Variants in TRIO observed in about 807,000 individuals in gnomAD.
TRIO encodes triple functional domain protein.
A neutral mutation model predicts 351.9 loss-of-function variants in TRIO; 58 were observed. That is an observed-to-expected ratio of 0.16 (90% confidence interval 0.13 to 0.21). TRIO has a LOEUF of 0.21. TRIO is among the 10% of genes least tolerant of loss of function. The probability of loss-of-function intolerance (pLI) is 1.00; values close to 1 mark genes in which losing one functional copy is unlikely to be tolerated. For missense variants in TRIO, 3,201 were observed against 4,027.8 expected (o/e 0.79, Z 5.56); for synonymous variants, 1,758 against 1,595.7 (o/e 1.10, Z -2.42).
At chr5:14,266,144 C>T (rs1221551389) in intron 1 of TRIO, among the ~76,000 whole-genome samples, 1 of 151,992 alleles carries the variant, frequency 6.6e-6, no homozygotes, top group Non-Finnish European at 1.5e-5. Context: ...CTGCACCCTT[C>T]GCCTCCTGGG....
At position 14,434,986 on chromosome 5, in the gene TRIO, C is replaced by G. The variant is rs1012676537; in HGVS notation, c.5203+14965C>G. Reference sequence around the variant, plus strand: ...GCTCATGCATGTTGGGCAAGAACAGCACTGATGCTATTGTGCCCTTCTCCG... The same window carrying G: ...GCTCATGCATGTTGGGCAAGAACAGGACTGATGCTATTGTGCCCTTCTCCG... On this transcript the variant is annotated intron_variant, in intron 34 of 56. Transcript: ENST00000344204. Among the ~76,000 whole-genome samples the G allele has an allele frequency of 2.0e-5, 3 of 152,330 alleles. No homozygotes were observed. The East Asian group carries it at 5.8e-4, about 29-fold the overall frequency.
At chr5:14,274,503 T>C (rs1417941750) in intron 2 of TRIO, among the ~76,000 whole-genome samples, 1 of 152,282 alleles carries the variant, frequency 6.6e-6, no homozygotes, top group African/African-American at 2.4e-5. Flanking sequence ...GATTATTGCT[T>C]AGATCTAGTA....
chr5:14,333,072 T>C (rs1741055509), intron 10 of TRIO, among the ~76,000 whole-genome samples: 1 of 152,124 alleles, frequency 6.6e-6, no homozygotes, highest in Non-Finnish European at 1.5e-5. Flanking sequence ...TGGAAAATAA[T>C]GAGACTTGGC....
intron 34 of TRIO, among the ~76,000 whole-genome samples, chr5:14,434,269 G>A (rs1304715319): frequency 1.3e-5 from 2 of 152,000 alleles, no homozygotes; most frequent in African/African-American, 2.4e-5. Context: ...TCATTCTTTT[G>A]TCCCACAAAA....
At position 14,162,944 on chromosome 5, in the gene TRIO, G is replaced by GC. The variant is rs1554023816; in HGVS notation, c.157+19062_157+19063insC. 5.3e-5 allele frequency among the ~76,000 whole-genome samples: 8 copies of GC among 152,082 alleles called. 1 individual carries two copies. Among genetic ancestry groups the GC allele is most frequent in the African/African-American group, 1.9e-4 (8 of 41,494 alleles). On this transcript the variant is annotated intron_variant, in intron 1 of 56. Coordinates refer to ENST00000344204, the MANE Select transcript of TRIO (RefSeq NM_007118.4). ...GCCTCAGCCTCCTGAGTAGCTGGGA[G>GC]TACAGGTGTGTACCACCATGCCTGG...
At chr5:14,454,538 T>C (rs962153613) in intron 34 of TRIO, among the ~76,000 whole-genome samples, 2 of 152,250 alleles carry the variant, frequency 1.3e-5, no homozygotes, top group African/African-American at 4.8e-5. Flanking sequence ...GGTTGACTTA[T>C]CAGTCAGTAT....
chr5:14,277,277 A>G (rs1375800573), intron 2 of TRIO, among the ~76,000 whole-genome samples: 1 of 150,636 alleles, frequency 6.6e-6, no homozygotes, highest in Non-Finnish European at 1.5e-5. Context: ...ATAGGAGAGG[A>G]TGCAGGTTTA....
intron 11 of TRIO, among the ~76,000 whole-genome samples, chr5:14,338,128 C>A (rs560555481): frequency 6.6e-6 from 1 of 152,142 alleles, no homozygotes; most frequent in Non-Finnish European, 1.5e-5. Context: ...CATTGTGAAC[C>A]GAGCTTGTCT....
intron 34 of TRIO, among the ~76,000 whole-genome samples, chr5:14,460,335 G>A (rs987738439): frequency 1.3e-5 from 2 of 152,132 alleles, no homozygotes; most frequent in Non-Finnish European, 1.5e-5. Flanking sequence ...GCCGTGGCCT[G>A]GCCGTGAACA....
intron 1 of TRIO, among the ~76,000 whole-genome samples, chr5:14,184,543 T>C (rs567291714): frequency 9.3e-4 from 141 of 152,366 alleles, no homozygotes; most frequent in Non-Finnish European, 1.8e-3. Flanking sequence ...CTAGTGTAAT[T>C]CAGGACTTCA....
intron 55 of TRIO, among the ~76,000 whole-genome samples, chr5:14,506,352 T>C (rs899383736): frequency 2.0e-5 from 3 of 152,236 alleles, no homozygotes; most frequent in Admixed American, 2.0e-4. Flanking sequence ...GACAGGCAGC[T>C]GATCTTCCTA....
At position 14,406,650 on chromosome 5, in the gene TRIO, A is replaced by G. The variant is rs1748745211; in HGVS notation, c.4937A>G (p.Gln1646Arg). 6.2e-7 allele frequency: 1 copy of G among 1,613,898 alleles called. No homozygotes were observed. Among genetic ancestry groups the G allele is most frequent in the African/African-American group, 1.3e-5 (1 of 74,948 alleles). ...DTISIASRTSQNTLDSDKLSG... is the reference protein window; with the variant it reads ...DTISIASRTSRNTLDSDKLSG... ...ATTTCCATCGCCTCACGGACGTCTC[A>G]GAACACGCTGGACAGCGATAAGGTG... The change falls in exon 33 of 57, where the codon CAG becomes CGG. Residue 1646 changes from glutamine to arginine, a missense_variant. Transcript: ENST00000344204.
intron 36 of TRIO, 38 bp downstream of exon 36, chr5:14,462,963 G>T: frequency 6.6e-7 from 1 of 1,523,752 alleles, no homozygotes; most frequent in African/African-American, 1.4e-5. Context: ...CATGCCTGCC[G>T]TGCAGGGGCA....
chr5:14,461,215 C>A lies in TRIO; in HGVS notation c.5400C>A (p.His1800Gln). 1 of 1,572,576 alleles carries A rather than the reference C, an allele frequency of 6.4e-7. No individual in the cohort carries two copies. ...DGHVKKLAHK[H>Q]KKSREVRKSA... ...ACGTGAAGAAGCTGGCGCACAAGCA[C>A]AAGAAGAGCCGCGAGGTCCGCAAGA... The change falls in exon 35 of 57, where the codon CAC (histidine) becomes CAA (glutamine). Residue 1800 changes from histidine to glutamine, a missense_variant. By Grantham distance (24) the His-to-Gln change is conservative. Around this residue, in one of 19 missense-constraint regions of TRIO, gnomAD observed 193 missense variants for 218.8 expected, o/e 0.88. Transcript: ENST00000344204.
intron 7 of TRIO, among the ~76,000 whole-genome samples, chr5:14,299,680 T>C (rs1167195043): frequency 4.6e-5 from 7 of 152,216 alleles, no homozygotes; most frequent in African/African-American, 1.7e-4. Flanking sequence ...GCTCAACCTG[T>C]TTTCATAAAC....
chr5:14,290,611 ATTACT>A, intron 4 of TRIO, 100 bp from the exon 5 acceptor site: 1 of 1,172,726 alleles, frequency 8.5e-7, no homozygotes, highest in Non-Finnish European at 1.2e-6. Flanking sequence ...CTATAAATAG[ATTACT>A]TTAACTTTGA....
intron 53 of TRIO, 72 bp from the exon 54 acceptor site, chr5:14,502,507 G>A (rs1249853587): frequency 6.6e-7 from 1 of 1,508,462 alleles, no homozygotes; most frequent in African/African-American, 1.4e-5. Flanking sequence ...GAGGGACAGT[G>A]CGTGGCGATA....
rs750418843 is a variant in TRIO, at chr5:14,391,013, G to A, written c.4218+23G>A. On this transcript the variant is annotated intron_variant, in intron 27 of 56. Transcript: ENST00000344204. ...GACGTAAGTAATAGATTCCTAAAGA[G>A]ACCATAATTTTCCAAGTTGTGTACA... 3.2e-6 allele frequency: 5 copies of A among 1,556,614 alleles called. No homozygotes were observed. In the Admixed American group the frequency reaches 1.0e-4, roughly 32 times the overall value.
At chr5:14,430,920 C>T (rs1421311734) in intron 34 of TRIO, among the ~76,000 whole-genome samples, 4 of 152,090 alleles carry the variant, frequency 2.6e-5, no homozygotes, top group Non-Finnish European at 5.9e-5. Flanking sequence ...CTATGTTGGC[C>T]AGGCGGGTCT....
Sources: gnomAD v4.1 joint callset for allele counts (sites outside exome capture counted in the v4.1 genomes callset) on GRCh38, gnomAD v4.1.1 for gene constraint, gnomAD v4.1.1 regional missense constraint, MANE v1.5 for transcripts, NCBI Gene and HGNC (gene_info 2026-07-23, HGNC 2026-07-21) for gene names.